Variants in MBOAT1 observed in about 807,000 individuals in gnomAD.
The protein encoded by MBOAT1 is membrane-bound glycerophospholipid O-acyltransferase 1.
Under a neutral mutation model 64.4 loss-of-function variants are expected in MBOAT1, and 67 were observed. The observed-to-expected ratio is 1.04, with a 90% CI of 0.85 to 1.27. MBOAT1 has a LOEUF of 1.27. Among genes scored for constraint, MBOAT1 ranks in the 50% most tolerant of loss-of-function variants. The pLI, the probability that MBOAT1 is intolerant of heterozygous loss-of-function variation, is 0.00. For missense variants in MBOAT1, 563 were observed against 604.6 expected (o/e 0.93, Z 0.72); for synonymous variants, 229 against 218.9 (o/e 1.05, Z -0.41).
At position 20,168,463 on chromosome 6, in the gene MBOAT1, A is replaced by AAGACAG. The variant is rs202235159; in HGVS notation, c.100-15700_100-15695dup. Among the ~76,000 whole-genome samples, 172 of 134,074 alleles carry AAGACAG rather than the reference A, an allele frequency of 1.3e-3. 2 individuals carry two copies. Among genetic ancestry groups the AAGACAG allele is most frequent in the East Asian group, 7.4e-3 (36 of 4,884 alleles). 88.0% of individuals were successfully genotyped at this position (134,074 alleles called of 152,430 possible). A position where few individuals can be genotyped will look rare whatever the true frequency, so the allele number is the denominator to read the frequency against. On this transcript the variant is annotated intron_variant, in intron 1 of 12. Coordinates refer to ENST00000324607, the MANE Select transcript of MBOAT1 (RefSeq NM_001080480.3). ...CTGGGCCACAGAGTCAGACTCAAGA[A>AAGACAG]AGACAGAGACAGAGACAGAGACAGA...
At chr6:20,189,416 G>T (rs1397749480) in intron 1 of MBOAT1, among the ~76,000 whole-genome samples, 1 of 151,944 alleles carries the variant, frequency 6.6e-6, no homozygotes, top group Non-Finnish European at 1.5e-5. Context: ...AAGAGACAGG[G>T]TCTCACTATG....
At position 20,156,106 on chromosome 6, in the gene MBOAT1, A is replaced by C. The variant is rs372898412; in HGVS notation, c.100-3337T>G. 8.6e-5 allele frequency among the ~76,000 whole-genome samples: 13 copies of C among 151,548 alleles called. No individual in the cohort carries two copies. In the South Asian group the frequency reaches 1.5e-3, roughly 17 times the overall value. On this transcript the variant is annotated intron_variant, in intron 1 of 12. Transcript: ENST00000324607. ...ACACGGTGAAACCCCGTCTCTACTA[A>C]AAAAAATACAAAAAATTAGCCGGGC...
At chr6:20,117,902 G>A (rs1484403795) in intron 9 of MBOAT1, among the ~76,000 whole-genome samples, 2 of 152,138 alleles carry the variant, frequency 1.3e-5, no homozygotes, top group African/African-American at 4.8e-5. Context: ...CTGATAATGA[G>A]AGCAGACCAA....
At position 20,124,483 on chromosome 6, in the gene MBOAT1, A is replaced by C; in HGVS notation, c.832T>G (p.Phe278Val). Residue 278 changes from phenylalanine (F) to valine (V), a missense_variant, in exon 8 of 13, where the codon TTT becomes GTT. Physicochemically the swap from Phe to Val is conservative, Grantham distance 50. Coordinates refer to ENST00000324607, the MANE Select transcript of MBOAT1 (RefSeq NM_001080480.3). ...TATAAGTAGCAGAGTCGAGCCGGAA[A>C]GCTTGCTTTATGGACAAACCAGTCA... ...VDDWFVHKAS[F>V]PARLCYLYVV... The C allele has an allele frequency of 5.0e-6, 8 of 1,614,244 alleles. No homozygotes were observed. The highest frequency in any genetic ancestry group is 5.9e-6 in the Non-Finnish European group (7 of 1,180,048).
intron 5 of MBOAT1, 86 bp from the exon 6 acceptor site, chr6:20,128,839 A>G: frequency 1.1e-6 from 1 of 930,932 alleles, no homozygotes; most frequent in Non-Finnish European, 1.6e-6. Flanking sequence ...AAGTCATTTG[A>G]ACCAGGTAAT....
rs1762326901 is a variant in MBOAT1, at chr6:20,175,764, AC to A, written c.100-22996del. ...TAGGATTACAGGCATGAGCCACTGC[AC>A]CTGGCCTTTTTATTTTTTTGTAGAG... On this transcript the variant is annotated intron_variant, in intron 1 of 12. Coordinates refer to ENST00000324607, the MANE Select transcript of MBOAT1 (RefSeq NM_001080480.3). Among the ~76,000 whole-genome samples, 4 of 151,042 alleles carry A rather than the reference AC, an allele frequency of 2.6e-5. No individual in the cohort carries two copies. The South Asian group carries it at 8.4e-4, about 32-fold the overall frequency.
chr6:20,152,803 T>G, intron 1 of MBOAT1, 34 bp from the exon 2 acceptor site: 1 of 1,580,054 alleles, frequency 6.3e-7, no homozygotes, highest in South Asian at 1.1e-5. Context: ...AAAACCTTTG[T>G]GTGAATTTCG....
intron 3 of MBOAT1, among the ~76,000 whole-genome samples, chr6:20,149,616 C>T (rs903553201): frequency 3.9e-5 from 6 of 152,068 alleles, no homozygotes; most frequent in African/African-American, 1.4e-4. Context: ...TATTTCCTTT[C>T]TAGAAGAAGT....
At chr6:20,159,751 T>C (rs866859774) in intron 1 of MBOAT1, among the ~76,000 whole-genome samples, 2 of 152,322 alleles carry the variant, frequency 1.3e-5, no homozygotes, top group African/African-American at 2.4e-5. Context: ...AAACATCACA[T>C]TGTACCCTAT....
rs1182266018 is a variant in MBOAT1, at chr6:20,193,899, C to T, written c.99+18237G>A. ...TGATTACAGGTGTGAGCCACTGCGC[C>T]CAGCCAATCCTTTGTATCTTTACTG... is the stretch of plus-strand genomic sequence containing the variant. On this transcript the variant is annotated intron_variant, in intron 1 of 12. Transcript: ENST00000324607. Among the ~76,000 whole-genome samples, 3 of 152,048 alleles carry T rather than the reference C, an allele frequency of 2.0e-5. No homozygotes were observed. In the East Asian group the frequency reaches 5.8e-4, roughly 29 times the overall value.
rs1759771925 is a variant in MBOAT1 at position 20,101,048 on chromosome 6, A to C, written c.*1238T>G. ...AAAAAATGAAAATCAGCCCATGTGT[A>C]CATCACGGCCAGCCATGATCATTAA... On this transcript the variant is annotated 3_prime_UTR_variant, in exon 13 of 13. Coordinates refer to ENST00000324607, the MANE Select transcript of MBOAT1 (RefSeq NM_001080480.3). 1.3e-5 allele frequency among the ~76,000 whole-genome samples: 2 copies of C among 152,220 alleles called. No individual in the cohort carries two copies. The highest frequency in any genetic ancestry group is 2.1e-4 in the South Asian group (1 of 4,830).
chr6:20,142,635 A>T (rs149409912), intron 4 of MBOAT1, among the ~76,000 whole-genome samples: 2,210 of 152,168 alleles, frequency 0.015, 57 homozygotes, highest in African/African-American at 0.049. Flanking sequence ...TTTTTAGTAG[A>T]GATAGCGTTT....
Position 20,102,128 on chromosome 6 carries a change from A to G in MBOAT1, c.*158T>C. 1 of 461,674 alleles carries G rather than the reference A, an allele frequency of 2.2e-6. No homozygotes were observed. 28.6% of individuals were successfully genotyped at this position (461,674 alleles called of 1,614,324 possible). On this transcript the variant is annotated 3_prime_UTR_variant, in exon 13 of 13. Transcript: ENST00000324607. ...AGACTCCGTCTCAAAAAAAAAAAAAAAAAAAAAAAAAAAAAAATACTCCCT... is the reference window on the plus strand; with the variant it reads ...AGACTCCGTCTCAAAAAAAAAAAAAGAAAAAAAAAAAAAAAAATACTCCCT...
At chr6:20,161,994 C>T (rs76781003) in intron 1 of MBOAT1, among the ~76,000 whole-genome samples, 4,781 of 152,216 alleles carry the variant, frequency 0.031, 111 homozygotes, top group East Asian at 0.087. Context: ...CTGTCCTTGG[C>T]TCCAGATGGC....
intron 8 of MBOAT1, among the ~76,000 whole-genome samples, chr6:20,123,142 AT>A (rs960566636): frequency 7.3e-5 from 11 of 150,530 alleles, no homozygotes; most frequent in African/African-American, 1.5e-4. Context: ...AAAAATTATA[AT>A]TTTTTTTAAA....
chr6:20,162,469 C>T (rs918139371), intron 1 of MBOAT1, among the ~76,000 whole-genome samples: 28 of 152,170 alleles, frequency 1.8e-4, no homozygotes, highest in African/African-American at 6.8e-4. Flanking sequence ...GTACAATGGG[C>T]TTACACATGT....
intron 9 of MBOAT1, among the ~76,000 whole-genome samples, chr6:20,118,099 A>G (rs1435193732): frequency 7.2e-5 from 11 of 152,218 alleles, no homozygotes; most frequent in Admixed American, 7.2e-4. Flanking sequence ...TCACTGAAAT[A>G]GGTAGAAAGA....
intron 1 of MBOAT1, among the ~76,000 whole-genome samples, chr6:20,201,635 C>G (rs1304198795): frequency 6.7e-6 from 1 of 149,644 alleles, no homozygotes; most frequent in Admixed American, 6.7e-5. Flanking sequence ...GGCTGGAGTG[C>G]AGTGGCGTGA....
intron 12 of MBOAT1, among the ~76,000 whole-genome samples, chr6:20,106,238 T>C (rs1234937446): frequency 6.6e-6 from 1 of 152,186 alleles, no homozygotes; most frequent in African/African-American, 2.4e-5. Context: ...CTGTTTGAGG[T>C]GTAATCAATC....
Sources: gnomAD v4.1 joint callset for allele counts (sites outside exome capture counted in the v4.1 genomes callset) on GRCh38, gnomAD v4.1.1 for gene constraint, MANE v1.5 for transcripts, NCBI Gene and HGNC (gene_info 2026-07-23, HGNC 2026-07-21) for gene names.